The following GGNBP2 variants were observed in gnomAD, a reference collection of about 807,000 sequenced individuals.
GGNBP2 encodes the protein gametogenetin binding protein 2.
A neutral mutation model predicts 85.9 loss-of-function variants in GGNBP2; 10 were observed. The observed-to-expected ratio is 0.12, with a 90% CI of 0.07 to 0.20. The LOEUF is 0.20. GGNBP2 is among the 10% of genes least tolerant of loss of function. GGNBP2 has a pLI of 1.00. For missense variants in GGNBP2, 595 were observed against 857.8 expected, an observed-to-expected ratio of 0.69 and a Z score of 3.83; for synonymous variants, 287 against 285.7, an observed-to-expected ratio of 1.00 and a Z score of -0.05.
At chr17:36,546,060 T>G in intron 2 of GGNBP2, 1 of 493,632 alleles carries the variant, frequency 2.0e-6, no homozygotes. Flanking sequence ...TTTTGGAACC[T>G]TATTCCTTGA....
intron 6 of GGNBP2, 31 bp downstream of exon 6, chr17:36,567,807 GGAA>G: frequency 8.4e-7 from 1 of 1,184,316 alleles, no homozygotes; most frequent in Non-Finnish European, 1.3e-6. Flanking sequence ...AGTATAATGT[GGAA>G]GGTGCCTTAT....
At chr17:36,556,421 A>C (rs1024872926) in intron 3 of GGNBP2, among the ~76,000 whole-genome samples, 1 of 152,218 alleles carries the variant, frequency 6.6e-6, no homozygotes. Context: ...AACAAAAAAA[A>C]CAGGCCAGGC....
chr17:36,579,092 T>C, intron 7 of GGNBP2, 153 bp from the exon 8 acceptor site: 1 of 618,396 alleles, frequency 1.6e-6, no homozygotes, highest in East Asian at 2.7e-5. Context: ...TGGACATGCA[T>C]GCTTGTATAG....
At chr17:36,554,639 G>A (rs1185224888) in intron 2 of GGNBP2, among the ~76,000 whole-genome samples, 181 bp from the exon 3 acceptor site, 2 of 151,988 alleles carry the variant, frequency 1.3e-5, no homozygotes, top group Admixed American at 1.3e-4. Context: ...GCCTCCCAAA[G>A]TGCTGGGATT....
chr17:36,579,997 C>T (rs933195117), intron 8 of GGNBP2, among the ~76,000 whole-genome samples: 1 of 151,662 alleles, frequency 6.6e-6, no homozygotes, highest in Non-Finnish European at 1.5e-5. Context: ...GCAACAAGAA[C>T]AAAACTCCGT....
At chr17:36,551,197 G>A (rs2074304819) in intron 2 of GGNBP2, among the ~76,000 whole-genome samples, 1 of 147,040 alleles carries the variant, frequency 6.8e-6, no homozygotes, top group African/African-American at 2.5e-5. Flanking sequence ...AAATAACCGT[G>A]TTCTTTATTG....
rs1460178967 is a variant in GGNBP2 at position 36,589,751 on chromosome 17, A to G, written c.*340A>G. The G allele has an allele frequency of 8.1e-6, 2 of 247,996 alleles. No individual in the cohort carries two copies. Among genetic ancestry groups the G allele is most frequent in the Non-Finnish European group, 1.5e-5 (2 of 129,654 alleles). 15.4% of individuals were successfully genotyped at this position (247,996 alleles called of 1,614,324 possible). A position where few individuals can be genotyped will look rare whatever the true frequency, so the allele number is the denominator to read the frequency against. ...GACAATGAGCTGAATATATGGTTTTACAAAGTAGACATCCACTTGCAAAAT... is the reference window on the plus strand; with the variant it reads ...GACAATGAGCTGAATATATGGTTTTGCAAAGTAGACATCCACTTGCAAAAT... On this transcript the variant is annotated 3_prime_UTR_variant, in exon 14 of 14. Transcript: ENST00000613102.
chr17:36,582,645 G>A (rs1341821224), intron 9 of GGNBP2, among the ~76,000 whole-genome samples: 2 of 152,108 alleles, frequency 1.3e-5, no homozygotes, highest in African/African-American at 4.8e-5. Context: ...TTTTCCTACT[G>A]TAGTCTGTAT....
Position 36,579,556 on chromosome 17 carries a change from A to G in GGNBP2, c.1020+137A>G, listed in dbSNP as rs771335831. ...CATGGATTTGGCTGGATATTGTTAC[A>G]TGGCTTTGGGTTGGAGTGGGGGTGG... On this transcript the variant is annotated intron_variant, in intron 8 of 13. Coordinates refer to ENST00000613102, the MANE Select transcript of GGNBP2 (RefSeq NM_024835.5). 52 of 725,254 alleles carry G rather than the reference A, an allele frequency of 7.2e-5. 1 individual carries two copies. The South Asian group carries it at 8.8e-4, about 12-fold the overall frequency. The allele number at this position is 725,254 out of a possible 1,614,324, so 44.9% of individuals were successfully genotyped here.
At chr17:36,585,651 G>A in intron 10 of GGNBP2, 189 bp from the exon 11 acceptor site, 1 of 619,698 alleles carries the variant, frequency 1.6e-6, no homozygotes, top group Non-Finnish European at 2.6e-6. Flanking sequence ...ACGAAAAATG[G>A]TAAATTCCTA....
Position 36,557,126 on chromosome 17 carries a change from T to C in GGNBP2, c.218T>C (p.Val73Ala), listed in dbSNP as rs76750517. The C allele has an allele frequency of 6.2e-7, 1 of 1,614,026 alleles. No homozygotes were observed. Among genetic ancestry groups the C allele is most frequent in the Non-Finnish European group, 8.5e-7 (1 of 1,180,032 alleles). The change falls in exon 4 of 14, where the codon GTG (valine) becomes GCG (alanine). Residue 73 changes from valine (V) to alanine (A), a missense_variant. By Grantham distance (64) the Val-to-Ala change is moderately conservative. Transcript: ENST00000613102. ...CAACAGGATCTAAGTATTGCCATGG[T>C]GGTGACATCACGCGAAGTCCTGAGT... The part of the protein sequence containing the change: ...LKQQDLSIAM[V>A]VTSREVLSAL...
chr17:36,557,043 T>G, intron 3 of GGNBP2, 40 bp from the exon 4 acceptor site: 5 of 1,610,862 alleles, frequency 3.1e-6, no homozygotes, highest in Non-Finnish European at 4.2e-6. Context: ...ATTTTACGTC[T>G]TTTTAAAGGA....
At chr17:36,576,647 ATGTATATATATGTATATATATG>A (rs2074593399) in intron 6 of GGNBP2, 2 of 132,864 alleles carry the variant, frequency 1.5e-5, no homozygotes, top group African/African-American at 6.0e-5. Context: ...ATATATGTAT[ATGTATATATATGTATATATATG>A]TGTATATATA....
chr17:36,565,404 G>T (rs1222153189), intron 5 of GGNBP2, among the ~76,000 whole-genome samples: 1 of 151,804 alleles, frequency 6.6e-6, no homozygotes, highest in Non-Finnish European at 1.5e-5. Context: ...GGTCTAGAAT[G>T]TTTATAAATA....
chr17:36,576,598 T>TGG (rs2074589741), intron 6 of GGNBP2: 1 of 54,498 alleles, frequency 1.8e-5, no homozygotes, highest in Non-Finnish European at 3.8e-5. Flanking sequence ...TATATATATG[T>TGG]GTGTGTGTGT....
At chr17:36,570,613 T>C (rs2074513811) in intron 6 of GGNBP2, among the ~76,000 whole-genome samples, 1 of 152,078 alleles carries the variant, frequency 6.6e-6, no homozygotes, top group African/African-American at 2.4e-5. Context: ...GGCAGGAGAA[T>C]CGCTTGAACC....
intron 6 of GGNBP2, among the ~76,000 whole-genome samples, chr17:36,575,651 T>TG (rs1567829720): frequency 8.1e-6 from 1 of 122,986 alleles, no homozygotes; most frequent in African/African-American, 3.2e-5. Context: ...TATATATATT[T>TG]TTTTTTTTTT....
intron 5 of GGNBP2, among the ~76,000 whole-genome samples, chr17:36,566,257 C>A (rs1555605802): frequency 6.6e-6 from 1 of 152,210 alleles, no homozygotes; most frequent in East Asian, 1.9e-4. Flanking sequence ...CCTTGGAATG[C>A]AGGTCCAAGA....
chr17:36,556,024 G>C (rs1429870092), intron 3 of GGNBP2, among the ~76,000 whole-genome samples: 1 of 152,196 alleles, frequency 6.6e-6, no homozygotes, highest in East Asian at 1.9e-4. Context: ...GAATGGAAGG[G>C]TAATGGTAAA....
Sources: allele counts gnomAD v4.1 joint callset (sites outside exome capture counted in the v4.1 genomes callset), GRCh38; gene constraint gnomAD v4.1.1; transcripts MANE v1.5; gene names NCBI Gene and HGNC (gene_info 2026-07-23, HGNC 2026-07-21).